Variants in NECAB2 observed in about 807,000 individuals in gnomAD.
NECAB2 encodes N-terminal EF-hand calcium-binding protein 2.
A neutral mutation model predicts 51.9 loss-of-function variants in NECAB2; 68 were observed. The ratio of observed to expected loss-of-function variants is 1.31; its 90% CI spans 1.08 to 1.60. NECAB2 has a LOEUF of 1.60. NECAB2 is among the 40% of genes most tolerant of loss of function. NECAB2 has a pLI of 0.00. For synonymous variants in NECAB2, 329 were observed against 203.5 expected (o/e 1.62, Z -5.25); for missense variants, 854 against 490.3 (o/e 1.74, Z -7.00).
chr16:83,967,117 C>T (rs993410918), upstream of NECAB2, among the ~76,000 whole-genome samples: 4 of 152,184 alleles, frequency 2.6e-5, no homozygotes, highest in Non-Finnish European at 5.9e-5. Context: ...AGTGATCCGC[C>T]CTCTTTGGCT....
chr16:83,973,275 C>A (rs1331901082), intron 2 of NECAB2, among the ~76,000 whole-genome samples: 1 of 152,158 alleles, frequency 6.6e-6, no homozygotes, highest in Non-Finnish European at 1.5e-5. Context: ...GCCTGGGTCT[C>A]CAGCACCCGC....
At chr16:83,975,310 G>C (rs1313664610) in intron 2 of NECAB2, among the ~76,000 whole-genome samples, 1 of 151,646 alleles carries the variant, frequency 6.6e-6, no homozygotes, top group Non-Finnish European at 1.5e-5. Flanking sequence ...ATGAGAGCAG[G>C]TGTGCAGGGA....
rs1010257173 is a variant in NECAB2, at chr16:83,994,791, G to A, written c.795+103G>A. ...AAAAGTCTGGGCTGCAGAGGGGCCA[G>A]GGAACCATGAAAAAGACATCCCCCA... On this transcript the variant is annotated intron_variant, in intron 8 of 12. Transcript: ENST00000305202. 4.5e-6 allele frequency: 6 copies of A among 1,326,258 alleles called. No individual in the cohort carries two copies. The African/African-American group carries it at 7.3e-5, about 16-fold the overall frequency. 82.2% of individuals were successfully genotyped at this position (1,326,258 alleles called of 1,614,324 possible).
At chr16:83,972,035 C>T (rs549892615) in intron 1 of NECAB2, 116 bp from the exon 2 acceptor site, 108 of 1,428,430 alleles carry the variant, frequency 7.6e-5, no homozygotes, top group Middle Eastern at 2.0e-4. Flanking sequence ...GGCTCAGCTT[C>T]CCAGGACCCT....
chr16:83,981,350 C>G (rs1052236587), intron 5 of NECAB2, among the ~76,000 whole-genome samples: 1 of 151,982 alleles, frequency 6.6e-6, no homozygotes, highest in Admixed American at 6.6e-5. Context: ...TTCCCGGAAT[C>G]AGGCCTGATC....
At position 84,001,822 on chromosome 16, in the gene NECAB2, C is replaced by T; in HGVS notation, c.1041-3C>T. 6.2e-7 allele frequency: 1 copy of T among 1,614,024 alleles called. No homozygotes were observed. Among genetic ancestry groups the T allele is most frequent in the South Asian group, 1.1e-5 (1 of 91,078 alleles). On this transcript the variant is annotated splice_polypyrimidine_tract_variant and splice_region_variant and intron_variant, in intron 11 of 12. Coordinates refer to ENST00000305202, the MANE Select transcript of NECAB2 (RefSeq NM_019065.3). The stretch of plus-strand genomic sequence containing the variant: ...CTGACTCACACATGTCCCTGCGTCA[C>T]AGGCACCTGCAGAGCCCCCTGTGTA...
chr16:83,967,609 T>C (rs1178113088), upstream of NECAB2, among the ~76,000 whole-genome samples: 1 of 104,558 alleles, frequency 9.6e-6, no homozygotes, highest in Non-Finnish European at 1.9e-5. Flanking sequence ...GGTGGATGGA[T>C]GGATGGATGA....
At chr16:84,001,794 C>G (rs1449424562) in intron 11 of NECAB2, 31 bp from the exon 12 acceptor site, 1 of 1,612,444 alleles carries the variant, frequency 6.2e-7, no homozygotes, top group Non-Finnish European at 8.5e-7. Flanking sequence ...ACTCCTGCCA[C>G]CCCTGACTCA....
chr16:84,001,199 C>G (rs777377195), intron 11 of NECAB2, among the ~76,000 whole-genome samples: 2 of 151,766 alleles, frequency 1.3e-5, no homozygotes. Flanking sequence ...GCTGAGTGCC[C>G]GGTACGAGGG....
intron 6 of NECAB2, chr16:83,993,576 C>T (rs16962432): frequency 0.12 from 18,242 of 153,070 alleles, 2,311 homozygotes; most frequent in African/African-American, 0.32. Flanking sequence ...ATTCATTGAG[C>T]ATTTTTGAGT....
At chr16:83,965,536 C>T, upstream of NECAB2, 1 of 1,612,754 alleles carries the variant, frequency 6.2e-7, no homozygotes, top group Non-Finnish European at 8.5e-7. Flanking sequence ...CCGTGGACGA[C>T]CCTGGCCTGG....
intron 8 of NECAB2, among the ~76,000 whole-genome samples, chr16:83,996,202 C>T (rs569006738): frequency 1.1e-3 from 168 of 152,320 alleles, no homozygotes; most frequent in African/African-American, 3.8e-3. Flanking sequence ...TCCTCATCCT[C>T]CTATGGCTTT....
rs778257774 is a variant in NECAB2, at chr16:83,978,497, C to T, written c.280C>T (p.Leu94Phe). 1 of 1,613,976 alleles carries T rather than the reference C, an allele frequency of 6.2e-7. No homozygotes were observed. The highest frequency in any genetic ancestry group is 8.5e-7 in the Non-Finnish European group (1 of 1,179,982). The change falls in exon 3 of 13, where the codon CTT becomes TTT. Residue 94 changes from leucine to phenylalanine, a missense_variant. Physicochemically the swap from Leu to Phe is conservative, Grantham distance 22. Coordinates refer to ENST00000305202, the MANE Select transcript of NECAB2 (RefSeq NM_019065.3). ...CCAGCTCTTCTTTGCAGATGGCGTCCTTAATGAGAAAGAACTGGAGGATCT... is the reference window on the plus strand; with the variant it reads ...CCAGCTCTTCTTTGCAGATGGCGTCTTTAATGAGAAAGAACTGGAGGATCT... ...EFQLFFADGVLNEKELEDLFH... is the reference protein window; with the variant it reads ...EFQLFFADGVFNEKELEDLFH...
chr16:83,985,315 A>G (rs1242790072), intron 5 of NECAB2, among the ~76,000 whole-genome samples: 1 of 23,242 alleles, frequency 4.3e-5, no homozygotes. Context: ...CTCTGTCTCA[A>G]AAAAAAAAAA....
At chr16:83,967,739 G>GATGT (rs2084301746), upstream of NECAB2, among the ~76,000 whole-genome samples, 1 of 147,680 alleles carries the variant, frequency 6.8e-6, no homozygotes, top group African/African-American at 2.5e-5. Flanking sequence ...TGGATGGATG[G>GATGT]ATGGATGGGA....
chr16:83,983,982 A>G (rs1041173085), intron 5 of NECAB2, among the ~76,000 whole-genome samples: 1 of 146,950 alleles, frequency 6.8e-6, no homozygotes, highest in Non-Finnish European at 1.5e-5. Flanking sequence ...TAAAATACAT[A>G]TATATATATG....
chr16:83,974,696 A>C (rs1449144597), intron 2 of NECAB2, among the ~76,000 whole-genome samples: 1 of 152,204 alleles, frequency 6.6e-6, no homozygotes, highest in East Asian at 1.9e-4. Context: ...CGGTGCAGGC[A>C]GGTTCTGATT....
chr16:83,988,349 C>T (rs995768613), intron 5 of NECAB2, among the ~76,000 whole-genome samples: 1 of 152,104 alleles, frequency 6.6e-6, no homozygotes, highest in Non-Finnish European at 1.5e-5. Flanking sequence ...GTTTTCACTT[C>T]ATCAGTTACT....
intron 5 of NECAB2, among the ~76,000 whole-genome samples, chr16:83,985,565 G>A (rs1475678723): frequency 1.3e-5 from 2 of 151,720 alleles, no homozygotes; most frequent in Middle Eastern, 3.4e-3. Context: ...CCCGGGAGGT[G>A]GAGGTTGCAG....
Sources: gnomAD v4.1 joint callset for allele counts (sites outside exome capture counted in the v4.1 genomes callset) on GRCh38, gnomAD v4.1.1 for gene constraint, MANE v1.5 for transcripts, NCBI Gene and HGNC (gene_info 2026-07-23, HGNC 2026-07-21) for gene names.